NWD2: variants seen among roughly 807,000 people sequenced by gnomAD.
NWD2 encodes NACHT and WD repeat domain containing 2.
NWD2 carries 37 observed loss-of-function variants against 132.7 expected under a neutral mutation model. The observed-to-expected ratio is 0.28, with a 90% CI of 0.21 to 0.37. The LOEUF is 0.37. Ranked by LOEUF, NWD2 falls within the 10% of genes least tolerant of loss-of-function variation. The pLI, the probability that NWD2 is intolerant of heterozygous loss-of-function variation, is 1.00. For synonymous variants in NWD2, 705 were observed against 803.0 expected, an observed-to-expected ratio of 0.88 and a Z score of 2.06; for missense variants, 1,592 against 2,122.4, an observed-to-expected ratio of 0.75 and a Z score of 4.91.
chr4:37,287,983 C>G (rs115791870), intron 1 of NWD2, among the ~76,000 whole-genome samples: 1 of 152,148 alleles, frequency 6.6e-6, no homozygotes, highest in African/African-American at 2.4e-5. Flanking sequence ...CACAGCCATA[C>G]AAAGGAATGA....
In NWD2 at chr4:37,335,813, C is replaced by G. The variant is rs565570950; in HGVS notation, c.240+9789C>G. On this transcript the variant is annotated intron_variant, in intron 2 of 6. Transcript: ENST00000309447. ...AAGTTGTCTTCCACAAAACTGGTCC[C>G]TGGTGCCAAAAAGTTTTGGGGACTG... 1.1e-4 allele frequency among the ~76,000 whole-genome samples: 17 copies of G among 150,052 alleles called. No homozygotes were observed. In the South Asian group the frequency reaches 3.5e-3, roughly 31 times the overall value.
chr4:37,412,786 T>C, intron 3 of NWD2, among the ~76,000 whole-genome samples: 1 of 152,196 alleles, frequency 6.6e-6, no homozygotes, highest in Non-Finnish European at 1.5e-5. Flanking sequence ...AACAGATATA[T>C]AGACCAATAG....
At chr4:37,256,457 C>A (rs549246600) in intron 1 of NWD2, among the ~76,000 whole-genome samples, 1 of 152,198 alleles carries the variant, frequency 6.6e-6, no homozygotes, top group African/African-American at 2.4e-5. Flanking sequence ...TGAGGTGGAA[C>A]CTGCATGTGA....
chr4:37,281,495 GA>G (rs1182510503), intron 1 of NWD2, among the ~76,000 whole-genome samples: 7 of 152,212 alleles, frequency 4.6e-5, no homozygotes, highest in Admixed American at 1.3e-4. Context: ...ACCTATTAAG[GA>G]AAACTAGAGA....
At chr4:37,305,548 A>C (rs1718695150) in intron 1 of NWD2, among the ~76,000 whole-genome samples, 1 of 152,186 alleles carries the variant, frequency 6.6e-6, no homozygotes, top group African/African-American at 2.4e-5. Flanking sequence ...GAGTTTTATC[A>C]TAAAAGATGT....
intron 1 of NWD2, among the ~76,000 whole-genome samples, chr4:37,247,772 G>A (rs377282782): frequency 1.3e-5 from 2 of 151,882 alleles, no homozygotes; most frequent in East Asian, 3.9e-4. Flanking sequence ...ACTACGCCCG[G>A]CTAACTTTTG....
In NWD2 at chr4:37,445,728, T is replaced by C; in HGVS notation, c.3740T>C (p.Ile1247Thr). The C allele has an allele frequency of 6.4e-7, 1 of 1,551,852 alleles. No individual in the cohort carries two copies. The change falls in exon 7 of 7, where the codon ATC becomes ACC. Residue 1247 changes from isoleucine to threonine, a missense_variant. Ile to Thr is a moderately conservative substitution (Grantham distance 89, BLOSUM62 -1). This residue lies in a region of NWD2 where 1,071 missense variants were observed against 1,398.0 expected (regional missense o/e 0.77). Coordinates refer to ENST00000309447, the MANE Select transcript of NWD2 (RefSeq NM_001144990.2). The surrounding 1 kb of genome is among the most constrained non-coding windows in gnomAD (Gnocchi z 4.7). The stretch of plus-strand genomic sequence containing the variant: ...CTGTCTAAAAATGGAGATTGTATCA[T>C]CGCCACCATGGAAAATACCTCAGCT... ...AVLSKNGDCI[I>T]ATMENTSAVF...
At position 37,445,387 on chromosome 4, in the gene NWD2, A is replaced by C; in HGVS notation, c.3399A>C (p.Leu1133Phe). 1 of 1,552,132 alleles carries C rather than the reference A, an allele frequency of 6.4e-7. No homozygotes were observed. Among genetic ancestry groups the C allele is most frequent in the Non-Finnish European group, 8.7e-7 (1 of 1,147,094 alleles). Reference protein sequence around the residue: ...TIFHLGSGEKLCTVTSEFSGG... With the variant: ...TIFHLGSGEKFCTVTSEFSGG... ...TTCATTTAGGGAGTGGAGAAAAGTT[A>C]TGTACAGTGACATCAGAATTTTCAG... The change falls in exon 7 of 7, where the codon TTA (leucine) becomes TTC (phenylalanine). Residue 1133 changes from leucine (L) to phenylalanine (F), a missense_variant. Around this residue, in one of 7 missense-constraint regions of NWD2, gnomAD observed 1,071 missense variants for 1,398.0 expected, o/e 0.77. Coordinates refer to ENST00000309447, the MANE Select transcript of NWD2 (RefSeq NM_001144990.2). This position sits in a 1 kb window ranked among gnomAD's most constrained non-coding sequence, Gnocchi z 4.7.
In NWD2 at chr4:37,356,460, C is replaced by T. The variant is rs989401720; in HGVS notation, c.335C>T (p.Thr112Ile). The change falls in exon 3 of 7, where the codon ACT becomes ATT. Residue 112 changes from threonine (T) to isoleucine (I), a missense_variant. Around this residue, in one of 7 missense-constraint regions of NWD2, gnomAD observed 144 missense variants for 185.7 expected, o/e 0.78. Transcript: ENST00000309447. ...AAGCTGCTGGAGAATTGCTTGAAAA[C>T]TTCTGCAGGTCCATGTTTTGTTGTG... is the stretch of plus-strand genomic sequence containing the variant. ...RMKLLENCLK[T>I]SAGPCFVGLL... 12 of 1,549,976 alleles carry T rather than the reference C, an allele frequency of 7.7e-6. No individual in the cohort carries two copies. The Admixed American group carries it at 2.0e-4, about 25-fold the overall frequency.
chr4:37,273,635 T>C (rs1346328700), intron 1 of NWD2, among the ~76,000 whole-genome samples: 1 of 152,148 alleles, frequency 6.6e-6, no homozygotes, highest in Non-Finnish European at 1.5e-5. Context: ...TACATTCTTC[T>C]CAGCACCACA....
At chr4:37,375,689 C>G (rs1301082901) in intron 3 of NWD2, among the ~76,000 whole-genome samples, 2 of 152,022 alleles carry the variant, frequency 1.3e-5, no homozygotes, top group African/African-American at 4.8e-5. Flanking sequence ...CTGCCTCAGC[C>G]TCCCGAGTAG....
intron 1 of NWD2, among the ~76,000 whole-genome samples, chr4:37,293,337 C>G (rs1718403339): frequency 6.6e-6 from 1 of 152,164 alleles, no homozygotes; most frequent in Non-Finnish European, 1.5e-5. Context: ...CAGGGGTGGG[C>G]AGATTACTCA....
At chr4:37,336,474 G>T (rs1164285394) in intron 2 of NWD2, among the ~76,000 whole-genome samples, 1 of 152,186 alleles carries the variant, frequency 6.6e-6, no homozygotes. Flanking sequence ...AGATAGTAGT[G>T]GGGTCTGTCT....
At position 37,263,580 on chromosome 4, in the gene NWD2, G is replaced by T. The variant is rs143573869; in HGVS notation, c.151+18362G>T. Reference sequence around the variant, plus strand: ...GTTAGACTTCTAAGGTTTTATGAGGGCTAGTGAGATAATGTATTGAAGGCA... The same window carrying T: ...GTTAGACTTCTAAGGTTTTATGAGGTCTAGTGAGATAATGTATTGAAGGCA... On this transcript the variant is annotated intron_variant, in intron 1 of 6. Transcript: ENST00000309447. 2.1e-3 allele frequency among the ~76,000 whole-genome samples: 324 copies of T among 152,254 alleles called. 1 individual carries two copies. Among genetic ancestry groups the T allele is most frequent in the African/African-American group, 7.4e-3 (307 of 41,540 alleles).
At chr4:37,308,378 T>C (rs1172992782) in intron 1 of NWD2, among the ~76,000 whole-genome samples, 2 of 152,206 alleles carry the variant, frequency 1.3e-5, no homozygotes, top group Non-Finnish European at 2.9e-5. Context: ...GTGGTACCTA[T>C]GAGTGCTTTA....
Position 37,325,973 on chromosome 4 carries a change from AT to A in NWD2, c.190del (p.Tyr64IlefsTer4). On this transcript the variant is annotated frameshift_variant, in exon 2 of 7. Transcript: ENST00000309447. LOFTEE classifies it high-confidence loss of function. ...AERQALRENV[Y>X]PKLREFCREN... Reference sequence around the variant, plus strand: ...AAAGACAGGCGCTAAGAGAAAATGTATATCCTAAACTGAGAGAATTCTGCAG... The same window carrying A: ...AAAGACAGGCGCTAAGAGAAAATGTAATCCTAAACTGAGAGAATTCTGCAG... 6.5e-7 allele frequency: 1 copy of A among 1,549,146 alleles called. No homozygotes were observed. The highest frequency in any genetic ancestry group is 8.7e-7 in the Non-Finnish European group (1 of 1,144,868).
At chr4:37,263,409 T>A (rs1717685715) in intron 1 of NWD2, among the ~76,000 whole-genome samples, 1 of 152,162 alleles carries the variant, frequency 6.6e-6, no homozygotes, top group Non-Finnish European at 1.5e-5. Flanking sequence ...ATGTCAACAG[T>A]AGAGCAAAGA....
chr4:37,430,779 A>G lies in NWD2; in HGVS notation c.561+4A>G. On this transcript the variant is annotated splice_donor_region_variant and intron_variant, in intron 4 of 6. Transcript: ENST00000309447. ...GCTGAGAAGCAATAGAAATGCAGTAAGCTGCCTTTCCCTCAAGCCTATGGA... is the reference window on the plus strand; with the variant it reads ...GCTGAGAAGCAATAGAAATGCAGTAGGCTGCCTTTCCCTCAAGCCTATGGA... The G allele has an allele frequency of 6.5e-7, 1 of 1,549,052 alleles. No individual in the cohort carries two copies.
intron 1 of NWD2, among the ~76,000 whole-genome samples, chr4:37,313,785 G>A (rs1718901314): frequency 6.6e-6 from 1 of 150,998 alleles, no homozygotes; most frequent in Admixed American, 6.6e-5. Flanking sequence ...TGCAACCTCT[G>A]CCTCCCGGGT....
Sources: allele counts gnomAD v4.1 joint callset (sites outside exome capture counted in the v4.1 genomes callset), GRCh38; gene constraint gnomAD v4.1.1; regional missense constraint gnomAD v4.1.1; non-coding constraint Gnocchi (gnomAD v3.1); transcripts MANE v1.5; gene names NCBI Gene and HGNC (gene_info 2026-07-23, HGNC 2026-07-21).